The following OR9Q1 variants were observed in gnomAD, a reference collection of about 807,000 sequenced individuals.
OR9Q1 encodes the protein olfactory receptor family 9 subfamily Q member 1, also known as olfactory receptor 9Q1.
For synonymous variants in OR9Q1, 153 were observed against 148.6 expected, an observed-to-expected ratio of 1.03 and a Z score of -0.22; for missense variants, 374 against 378.8, an observed-to-expected ratio of 0.99 and a Z score of 0.11.
intron 2 of OR9Q1, chr11:58,118,514 A>T (rs771469071): frequency 6.3e-7 from 1 of 1,597,364 alleles, no homozygotes. Flanking sequence ...ATGCTCAGGG[A>T]CACCTGGAGT....
intron 2 of OR9Q1, among the ~76,000 whole-genome samples, chr11:58,139,576 T>C (rs1854223841): frequency 6.6e-6 from 1 of 152,128 alleles, no homozygotes; most frequent in African/African-American, 2.4e-5. Context: ...GAATGATGGT[T>C]TCCAGCTTCA....
chr11:58,056,940 C>T (rs1435083233), intron 2 of OR9Q1, among the ~76,000 whole-genome samples: 10 of 149,884 alleles, frequency 6.7e-5, no homozygotes, highest in Admixed American at 6.0e-4. Flanking sequence ...GTAAAAATTA[C>T]TGATCTGTAC....
At chr11:58,104,509 T>C (rs1853821598) in intron 2 of OR9Q1, among the ~76,000 whole-genome samples, 1 of 152,078 alleles carries the variant, frequency 6.6e-6, no homozygotes, top group African/African-American at 2.4e-5. Flanking sequence ...CAAAACATAA[T>C]AATTTCCCCG....
chr11:58,094,901 C>T (rs953801717), intron 2 of OR9Q1, among the ~76,000 whole-genome samples: 1 of 152,182 alleles, frequency 6.6e-6, no homozygotes, highest in African/African-American at 2.4e-5. Flanking sequence ...AGATTTTTAT[C>T]TTCTAGTTTT....
intron 1 of OR9Q1, chr11:58,031,958 A>G (rs760533607): frequency 1.2e-5 from 12 of 1,041,910 alleles, no homozygotes; most frequent in Admixed American, 2.1e-5. Flanking sequence ...AAAACAGGTT[A>G]GTCAATAACA....
intron 2 of OR9Q1, among the ~76,000 whole-genome samples, chr11:58,159,813 C>T (rs1854441328): frequency 6.6e-6 from 1 of 152,042 alleles, no homozygotes; most frequent in South Asian, 2.1e-4. Context: ...ATAGTGTAGC[C>T]CACTTAATTT....
chr11:58,081,465 C>A (rs1853586507), intron 2 of OR9Q1, among the ~76,000 whole-genome samples: 1 of 152,162 alleles, frequency 6.6e-6, no homozygotes, highest in Non-Finnish European at 1.5e-5. Flanking sequence ...TTCTCCATGT[C>A]CTCTCCAGCA....
chr11:58,144,918 C>T (rs114188872), intron 2 of OR9Q1: 2,859 of 152,658 alleles, frequency 0.019, 81 homozygotes, highest in African/African-American at 0.065. Flanking sequence ...CGCTGCTGGC[C>T]GGGGCATATT....
At chr11:58,043,824 A>G (rs1853190103) in intron 1 of OR9Q1, among the ~76,000 whole-genome samples, 1 of 152,144 alleles carries the variant, frequency 6.6e-6, no homozygotes, top group African/African-American at 2.4e-5. Context: ...TTTATAGTCT[A>G]GTTTCTTTAT....
intron 2 of OR9Q1, chr11:58,109,534 C>G (rs1323119851): frequency 2.2e-6 from 1 of 458,154 alleles, no homozygotes; most frequent in Non-Finnish European, 4.4e-6. Flanking sequence ...GATCATCCCC[C>G]CATTCCCCAG....
chr11:58,072,641 A>G (rs1853499171), intron 2 of OR9Q1: 1 of 154,750 alleles, frequency 6.5e-6, no homozygotes, highest in Non-Finnish European at 1.5e-5. Context: ...TGCTGTATAT[A>G]CTGGTAACCA....
intron 2 of OR9Q1, among the ~76,000 whole-genome samples, chr11:58,074,973 T>A (rs1428667037): frequency 6.6e-6 from 1 of 152,224 alleles, no homozygotes; most frequent in East Asian, 1.9e-4. Context: ...GTATATCTGT[T>A]TTGGTACCAG....
At chr11:58,173,676 C>G (rs1054998733) in intron 2 of OR9Q1, among the ~76,000 whole-genome samples, 1 of 152,028 alleles carries the variant, frequency 6.6e-6, no homozygotes, top group South Asian at 2.1e-4. Context: ...GGAGCAGATT[C>G]CTAACAAGTC....
At chr11:58,035,406 C>T (rs1853091927) in intron 1 of OR9Q1, among the ~76,000 whole-genome samples, 1 of 152,124 alleles carries the variant, frequency 6.6e-6, no homozygotes, top group East Asian at 1.9e-4. Context: ...ATAGACTGCT[C>T]CCCTATGTCA....
At chr11:58,118,395 G>C in intron 2 of OR9Q1, 1 of 738,886 alleles carries the variant, frequency 1.4e-6, no homozygotes, top group African/African-American at 1.7e-5. Context: ...CCTATCTTCT[G>C]TCTTCTCTGT....
At chr11:58,167,853 T>G (rs1417596808) in intron 2 of OR9Q1, among the ~76,000 whole-genome samples, 8 of 152,160 alleles carry the variant, frequency 5.3e-5, no homozygotes, top group Non-Finnish European at 1.2e-4. Flanking sequence ...GAAGCCTAGT[T>G]TCAGAAATGG....
rs565407505 is a variant in OR9Q1, at chr11:58,063,867, T to C, written c.-15+7920T>C. On this transcript the variant is annotated intron_variant, in intron 2 of 2. Transcript: ENST00000335397. ...AAGATCATACTGAAATCTAGGCAAA[T>C]GTTTCAAAGAAACATCAAGAAATCC... Among the ~76,000 whole-genome samples, 10 of 152,320 alleles carry C rather than the reference T, an allele frequency of 6.6e-5. No homozygotes were observed. In the South Asian group the frequency reaches 2.1e-3, roughly 32 times the overall value.
chr11:58,132,537 TTATC>T (rs919332799), intron 2 of OR9Q1, among the ~76,000 whole-genome samples: 1 of 152,236 alleles, frequency 6.6e-6, no homozygotes, highest in African/African-American at 2.4e-5. Context: ...TCTGGGTACT[TTATC>T]TATAGTTAAT....
At chr11:58,039,569 C>G (rs1016625119) in intron 1 of OR9Q1, among the ~76,000 whole-genome samples, 4 of 152,206 alleles carry the variant, frequency 2.6e-5, no homozygotes, top group Non-Finnish European at 5.9e-5. Flanking sequence ...TCCTCACACT[C>G]TCATGGAAGT....
Sources: allele counts gnomAD v4.1 joint callset (sites outside exome capture counted in the v4.1 genomes callset), GRCh38; gene constraint gnomAD v4.1.1; transcripts MANE v1.5; gene names NCBI Gene and HGNC (gene_info 2026-07-23, HGNC 2026-07-21).